Variants in CHST9 observed in about 807,000 individuals in gnomAD.
CHST9 encodes GalNAc-4-sulfotransferase 2.
CHST9 carries 41 observed loss-of-function variants against 44.4 expected under a neutral mutation model. The ratio of observed to expected loss-of-function variants is 0.92; its 90% confidence interval spans 0.72 to 1.20. The LOEUF (loss-of-function observed/expected upper bound fraction) is 1.20, where lower values mean the gene tolerates loss of function less well. CHST9 is among the 50% of genes most tolerant of loss of function. The pLI is 0.00. For missense variants in CHST9, 504 were observed against 516.5 expected, an observed-to-expected ratio of 0.98 and a Z score of 0.23; for synonymous variants, 171 against 178.4, an observed-to-expected ratio of 0.96 and a Z score of 0.33.
intron 4 of CHST9, among the ~76,000 whole-genome samples, chr18:27,014,164 G>A (rs760303775): frequency 2.0e-5 from 3 of 151,820 alleles, no homozygotes; most frequent in Non-Finnish European, 4.4e-5. Context: ...ACTCATAATC[G>A]AAACATTTCA....
chr18:26,921,988 C>A (rs1300796939), intron 5 of CHST9, among the ~76,000 whole-genome samples: 2 of 152,172 alleles, frequency 1.3e-5, no homozygotes, highest in Non-Finnish European at 2.9e-5. Flanking sequence ...ATTGGATATT[C>A]ATTATCCTCC....
chr18:26,955,020 C>T (rs2056302333), intron 4 of CHST9, among the ~76,000 whole-genome samples: 1 of 152,006 alleles, frequency 6.6e-6, no homozygotes, highest in African/African-American at 2.4e-5. Flanking sequence ...GGCAGCTGCT[C>T]CTGGCCCTGG....
intron 4 of CHST9, among the ~76,000 whole-genome samples, chr18:26,950,362 T>C (rs930763843): frequency 2.6e-5 from 4 of 152,276 alleles, no homozygotes; most frequent in East Asian, 3.9e-4. Flanking sequence ...AGGAACAACA[T>C]AGCTACTCTT....
chr18:27,169,859 G>A (rs541211287), intron 1 of CHST9, among the ~76,000 whole-genome samples: 14 of 151,994 alleles, frequency 9.2e-5, no homozygotes, highest in East Asian at 3.9e-4. Flanking sequence ...CTCCCGCCTC[G>A]GCCTCCCAAA....
At chr18:27,026,183 C>T (rs1277454101) in intron 3 of CHST9, among the ~76,000 whole-genome samples, 2 of 152,060 alleles carry the variant, frequency 1.3e-5, no homozygotes, top group Non-Finnish European at 2.9e-5. Flanking sequence ...TGTCTGGAGA[C>T]CTGATATTAG....
Position 27,158,868 on chromosome 18 carries a change from T to C in CHST9, c.-96-15963A>G, listed in dbSNP as rs1486630763. 2.0e-5 allele frequency among the ~76,000 whole-genome samples: 3 copies of C among 152,366 alleles called. No homozygotes were observed. In the East Asian group the frequency reaches 5.8e-4, roughly 29 times the overall value. On this transcript the variant is annotated intron_variant, in intron 1 of 5. Transcript: ENST00000618847. ...CTCTGATGGCCAGTGATGATGAGCA[T>C]TTTTTCATGTGTCTTTTGGCTGCAT...
intron 2 of CHST9, among the ~76,000 whole-genome samples, chr18:27,066,605 T>G (rs2057784992): frequency 6.6e-6 from 1 of 152,116 alleles, no homozygotes; most frequent in African/African-American, 2.4e-5. Flanking sequence ...CCAATATGAT[T>G]GTTATACCTG....
chr18:26,981,092 G>A (rs371096768), intron 4 of CHST9, among the ~76,000 whole-genome samples: 94 of 152,286 alleles, frequency 6.2e-4, no homozygotes, highest in African/African-American at 2.1e-3. Flanking sequence ...TAATAGCAGA[G>A]TTGGATTATT....
At chr18:26,983,981 A>T (rs554424811) in intron 4 of CHST9, among the ~76,000 whole-genome samples, 1 of 152,278 alleles carries the variant, frequency 6.6e-6, no homozygotes, top group African/African-American at 2.4e-5. Flanking sequence ...CTTCACTCCC[A>T]CATTCCCAGT....
chr18:26,997,246 G>A (rs1235985919), intron 4 of CHST9, among the ~76,000 whole-genome samples: 1 of 152,186 alleles, frequency 6.6e-6, no homozygotes, highest in Admixed American at 6.5e-5. Context: ...CTTAAAATAA[G>A]TAATTCTCCA....
At chr18:27,041,362 C>T (rs2057442559) in intron 3 of CHST9, among the ~76,000 whole-genome samples, 1 of 152,120 alleles carries the variant, frequency 6.6e-6, no homozygotes, top group Non-Finnish European at 1.5e-5. Context: ...ACTTCCTCTT[C>T]TGGGTAAAAG....
chr18:26,928,713 A>C (rs1390156877), intron 5 of CHST9, among the ~76,000 whole-genome samples: 1 of 152,168 alleles, frequency 6.6e-6, no homozygotes, highest in Non-Finnish European at 1.5e-5. Context: ...AATGTAGAGC[A>C]TATCTCCCCA....
In CHST9 at chr18:26,915,312, G is replaced by T; in HGVS notation, c.*947C>A. ...TGAAAACAAAAGCTATTCTTAGGGT[G>T]TATTCCACATATAAAGCTATGCACA... On this transcript the variant is annotated 3_prime_UTR_variant, in exon 6 of 6. Coordinates refer to ENST00000618847, the MANE Select transcript of CHST9 (RefSeq NM_031422.6). 4.3e-6 allele frequency: 1 copy of T among 230,284 alleles called. No individual in the cohort carries two copies. The highest frequency in any genetic ancestry group is 8.3e-6 in the Non-Finnish European group (1 of 120,306). The allele number at this position is 230,284 out of a possible 1,614,324, so 14.3% of individuals were successfully genotyped here.
chr18:26,975,797 CTT>C (rs2056617521), intron 4 of CHST9, among the ~76,000 whole-genome samples: 1 of 142,728 alleles, frequency 7.0e-6, no homozygotes, highest in Non-Finnish European at 1.5e-5. Context: ...TTGATGGACA[CTT>C]GGGTTGATTC....
intron 2 of CHST9, among the ~76,000 whole-genome samples, chr18:27,111,812 G>A (rs187908151): frequency 1.3e-4 from 20 of 152,272 alleles, no homozygotes; most frequent in South Asian, 6.2e-4. Flanking sequence ...GTGAGGGCCT[G>A]AATAGCACAA....
intron 4 of CHST9, among the ~76,000 whole-genome samples, chr18:27,016,567 G>A (rs1008279880): frequency 3.3e-5 from 5 of 152,132 alleles, no homozygotes; most frequent in African/African-American, 4.8e-5. Context: ...GTAAGCTCCC[G>A]GAGGTCAGGT....
At chr18:27,176,176 A>T (rs2058866552) in intron 1 of CHST9, among the ~76,000 whole-genome samples, 1 of 152,174 alleles carries the variant, frequency 6.6e-6, no homozygotes, top group East Asian at 1.9e-4. Flanking sequence ...GCTGGGCTAC[A>T]AAAATCAGGT....
intron 4 of CHST9, among the ~76,000 whole-genome samples, chr18:27,009,048 G>C (rs1031769356): frequency 1.3e-5 from 2 of 152,206 alleles, no homozygotes; most frequent in South Asian, 4.2e-4. Flanking sequence ...CTATAGTTCA[G>C]GTAGGGTTTT....
chr18:26,932,164 T>C (rs2055890150), intron 5 of CHST9, among the ~76,000 whole-genome samples: 1 of 152,182 alleles, frequency 6.6e-6, no homozygotes, highest in Non-Finnish European at 1.5e-5. Flanking sequence ...CAAGAAGCTC[T>C]ACTGAACATC....
Sources: allele counts gnomAD v4.1 joint callset (sites outside exome capture counted in the v4.1 genomes callset), GRCh38; gene constraint gnomAD v4.1.1; transcripts MANE v1.5; gene names NCBI Gene and HGNC (gene_info 2026-07-23, HGNC 2026-07-21).